Variants in A4GNT observed in about 807,000 individuals in gnomAD.
A4GNT encodes the protein alpha-1,4-N-acetylglucosaminyltransferase.
A4GNT carries 6 observed loss-of-function variants against 8.3 expected under a neutral mutation model. The ratio of observed to expected loss-of-function variants is 0.72; its 90% CI spans 0.39 to 1.42. A4GNT has a LOEUF of 1.42. Ranked by LOEUF, A4GNT falls within the 40% of genes most tolerant of loss-of-function variation. The pLI is 0.02. For synonymous variants in A4GNT, 157 were observed against 159.8 expected, an observed-to-expected ratio of 0.98 and a Z score of 0.13; for missense variants, 377 against 417.0, an observed-to-expected ratio of 0.90 and a Z score of 0.84.
Position 138,124,192 on chromosome 3 carries a change from G to A in A4GNT, c.*72C>T. 2 of 1,546,810 alleles carry A rather than the reference G, an allele frequency of 1.3e-6. No individual in the cohort carries two copies. The highest frequency in any genetic ancestry group is 1.7e-6 in the Non-Finnish European group (2 of 1,143,936). On this transcript the variant is annotated 3_prime_UTR_variant, in exon 3 of 3. Transcript: ENST00000236709. ...GCCCACCCCGCCAAGAGACAGTGGA[G>A]ATCAAGTGAAAATGTGGCACTCCAG...
chr3:138,124,866 C>T lies in A4GNT; in HGVS notation c.421G>A (p.Ala141Thr), dbSNP rs192933076. Reference protein sequence around the residue: ...FSWYNQINASAERNWLHISSD... With the variant: ...FSWYNQINASTERNWLHISSD... ...CTGATGTGGAGCCAGTTTCTCTCTG[C>T]GCTGGCGTTGATCTGCAGGAGCAGG... Residue 141 changes from alanine (A) to threonine (T), a missense_variant, in exon 3 of 3, where the codon GCA becomes ACA. By Grantham distance (58) the Ala-to-Thr change is moderately conservative. Coordinates refer to ENST00000236709, the MANE Select transcript of A4GNT (RefSeq NM_016161.3). 1.6e-5 allele frequency: 26 copies of T among 1,610,544 alleles called. No homozygotes were observed. In the East Asian group the frequency reaches 3.8e-4, roughly 23 times the overall value.
chr3:138,125,143 A>C (rs1173451465), intron 2 of A4GNT, among the ~76,000 whole-genome samples: 4 of 152,232 alleles, frequency 2.6e-5, no homozygotes, highest in Admixed American at 2.0e-4. Context: ...TTTTAAAAAA[A>C]CATTAAAGCA....
At position 138,124,635 on chromosome 3, in the gene A4GNT, C is replaced by G; in HGVS notation, c.652G>C (p.Ala218Pro). 6.2e-7 allele frequency: 1 copy of G among 1,614,216 alleles called. No homozygotes were observed. The highest frequency in any genetic ancestry group is 8.5e-7 in the Non-Finnish European group (1 of 1,180,030). ...MENFVEHYNS[A>P]IWGNQGPELM... ...TCAGGGCCTTGGTTGCCCCAAATGGCTGAATTATAGTGTTCAACAAAGTTT... is the reference window on the plus strand; with the variant it reads ...TCAGGGCCTTGGTTGCCCCAAATGGGTGAATTATAGTGTTCAACAAAGTTT... The change falls in exon 3 of 3, where the codon GCC becomes CCC. Residue 218 changes from alanine (A) to proline (P), a missense_variant. Coordinates refer to ENST00000236709, the MANE Select transcript of A4GNT (RefSeq NM_016161.3).
chr3:138,124,798 G>A lies in A4GNT; in HGVS notation c.489C>T (p.Gly163=), dbSNP rs369829462. The change falls in exon 3 of 3, where the codon GGC becomes GGT. Residue 163 remains glycine (G), a synonymous_variant. Transcript: ENST00000236709. ...SRLAIIWKYG[G]IYMDTDVISI... is the part of the protein sequence containing the mutation. The stretch of plus-strand genomic sequence containing the variant: ...AGATGACATCGGTGTCCATGTAGAT[G>A]CCACCGTATTTCCAGATGATGGCCA... 3.7e-6 allele frequency: 6 copies of A among 1,614,144 alleles called. No homozygotes were observed. Among genetic ancestry groups the A allele is most frequent in the Middle Eastern group, 1.7e-4 (1 of 6,042 alleles).
intron 2 of A4GNT, among the ~76,000 whole-genome samples, chr3:138,125,431 T>C (rs2042739842): frequency 6.6e-6 from 1 of 152,232 alleles, no homozygotes; most frequent in Non-Finnish European, 1.5e-5. Flanking sequence ...TGCCGAATTC[T>C]ATTAAAACTG....
upstream of A4GNT, chr3:138,132,493 G>A (rs767091628): frequency 2.0e-5 from 3 of 152,144 alleles, no homozygotes; most frequent in Admixed American, 6.5e-5. Context: ...AACACAAAAA[G>A]TTCCCAGGAA....
chr3:138,131,985 C>G (rs1037475207), intron 1 of A4GNT, among the ~76,000 whole-genome samples: 2 of 151,984 alleles, frequency 1.3e-5, no homozygotes, highest in African/African-American at 4.8e-5. Context: ...TGCAATAAAA[C>G]AAGAGAAATG....
chr3:138,130,604 G>A (rs1339506030), intron 2 of A4GNT, among the ~76,000 whole-genome samples: 2 of 152,110 alleles, frequency 1.3e-5, no homozygotes, highest in Non-Finnish European at 2.9e-5. Flanking sequence ...ATTCAGTTAA[G>A]AATAGTCTCC....
At chr3:138,127,231 G>A (rs1475505531) in intron 2 of A4GNT, among the ~76,000 whole-genome samples, 4 of 150,428 alleles carry the variant, frequency 2.7e-5, no homozygotes, top group East Asian at 1.9e-4. Flanking sequence ...TTTAATCTAC[G>A]CGAGTCCTCA....
chr3:138,130,842 CACTT>C lies in A4GNT; in HGVS notation c.408+3_408+6del. ...CGTTGACATTTTAAGTTTCCCTAAA[CACTT>C]ACTTGATTGTACCATGAAAACAATG... On this transcript the variant is annotated splice_donor_5th_base_variant and intron_variant, in intron 2 of 2. Transcript: ENST00000236709. The C allele has an allele frequency of 6.2e-7, 1 of 1,612,464 alleles. No homozygotes were observed. Among genetic ancestry groups the C allele is most frequent in the Non-Finnish European group, 8.5e-7 (1 of 1,179,174 alleles).
At chr3:138,129,946 T>G (rs907380783) in intron 2 of A4GNT, among the ~76,000 whole-genome samples, 3 of 152,254 alleles carry the variant, frequency 2.0e-5, no homozygotes, top group African/African-American at 7.2e-5. Context: ...GTATTATTTT[T>G]ATGTCAATGT....
intron 2 of A4GNT, among the ~76,000 whole-genome samples, chr3:138,128,930 T>C (rs1322416859): frequency 6.6e-6 from 1 of 152,120 alleles, no homozygotes; most frequent in African/African-American, 2.4e-5. Context: ...ATTTGAGGAC[T>C]TCAAGTTTCT....
chr3:138,125,136 T>TA (rs1404812980), intron 2 of A4GNT, among the ~76,000 whole-genome samples: 1 of 152,104 alleles, frequency 6.6e-6, no homozygotes, highest in Non-Finnish European at 1.5e-5. Flanking sequence ...ATGGTTTTTT[T>TA]AAAAAAACAT....
chr3:138,132,884 T>C (rs571986627), upstream of A4GNT, among the ~76,000 whole-genome samples: 13 of 152,318 alleles, frequency 8.5e-5, no homozygotes, highest in Admixed American at 7.8e-4. Context: ...TCACAGTGGC[T>C]GCAGGAAGGC....
Position 138,130,869 on chromosome 3 carries a change from A to C in A4GNT, c.388T>G (p.Leu130Val), listed in dbSNP as rs771923415. ...CTTACTTGATTGTACCATGAAAACA[A>C]TGGTGTGTCTTCAAGCAGCCTTTTC... ...DMKRLLEDTP[L>V]FSWYNQINAS... Residue 130 changes from leucine to valine, a missense_variant, in exon 2 of 3, where the codon TTG becomes GTG. Transcript: ENST00000236709. The C allele has an allele frequency of 1.9e-6, 3 of 1,614,112 alleles. No homozygotes were observed. The Admixed American group carries it at 5.0e-5, about 27-fold the overall frequency.
At chr3:138,125,825 G>C (rs1344850792) in intron 2 of A4GNT, among the ~76,000 whole-genome samples, 1 of 152,176 alleles carries the variant, frequency 6.6e-6, no homozygotes, top group African/African-American at 2.4e-5. Context: ...GTGAATACAA[G>C]GGCCCTGAGG....
Position 138,124,171 on chromosome 3 carries a change from A to G in A4GNT, c.*93T>C. The G allele has an allele frequency of 1.3e-6, 2 of 1,483,198 alleles. No individual in the cohort carries two copies. Among genetic ancestry groups the G allele is most frequent in the South Asian group, 1.4e-5 (1 of 73,812 alleles). 91.9% of individuals were successfully genotyped at this position (1,483,198 alleles called of 1,614,324 possible). A position where few individuals can be genotyped will look rare whatever the true frequency, so the allele number is the denominator to read the frequency against. Reference sequence around the variant, plus strand: ...ACATTTGAGAGGCAACCCTCTGCCCACCCCGCCAAGAGACAGTGGAGATCA... The same window carrying G: ...ACATTTGAGAGGCAACCCTCTGCCCGCCCCGCCAAGAGACAGTGGAGATCA... On this transcript the variant is annotated 3_prime_UTR_variant, in exon 3 of 3. Coordinates refer to ENST00000236709, the MANE Select transcript of A4GNT (RefSeq NM_016161.3).
At chr3:138,130,285 T>G (rs1353075705) in intron 2 of A4GNT, among the ~76,000 whole-genome samples, 1 of 152,216 alleles carries the variant, frequency 6.6e-6, no homozygotes, top group Non-Finnish European at 1.5e-5. Context: ...TTAAGCAACC[T>G]GATTTCAGCT....
At chr3:138,125,553 G>A (rs1432140416) in intron 2 of A4GNT, among the ~76,000 whole-genome samples, 4 of 152,302 alleles carry the variant, frequency 2.6e-5, no homozygotes, top group South Asian at 2.1e-4. Context: ...AAAAAGCTGG[G>A]TGAAGGGACT....
Sources: allele counts gnomAD v4.1 joint callset (sites outside exome capture counted in the v4.1 genomes callset), GRCh38; gene constraint gnomAD v4.1.1; transcripts MANE v1.5; gene names NCBI Gene and HGNC (gene_info 2026-07-23, HGNC 2026-07-21).